The following USH2A variants were observed in gnomAD, a reference collection of about 807,000 sequenced individuals.
USH2A encodes the protein usherin, also known as Usher syndrome 2A (autosomal recessive, mild).
USH2A carries 443 observed loss-of-function variants against 538.9 expected under a neutral mutation model. The ratio of observed to expected loss-of-function variants is 0.82; its 90% CI spans 0.76 to 0.89. The LOEUF (loss-of-function observed/expected upper bound fraction) is 0.89, where lower values mean the gene tolerates loss of function less well. USH2A is among the 40% of genes least tolerant of loss of function. The pLI is 0.00. For missense variants in USH2A, 6,633 were observed against 6,324.8 expected (o/e 1.05, Z -1.65); for synonymous variants, 2,413 against 2,273.5 (o/e 1.06, Z -1.75).
chr1:216,259,228 A>G (rs1001714093), intron 11 of USH2A, among the ~76,000 whole-genome samples: 3 of 152,152 alleles, frequency 2.0e-5, no homozygotes, highest in African/African-American at 7.2e-5. Flanking sequence ...TAGAAGCTTA[A>G]GAAATAGCAT....
Position 215,674,975 on chromosome 1 carries a change from A to T in USH2A, c.12936T>A (p.Asp4312Glu), listed in dbSNP as rs748165280. ...CATCAGTGTAATTGAAAGTCACAGG[A>T]TCAAAGCTAAAAGGATAGAGCATTT... ...RNEMLYPFSF[D>E]PVTFNYTDEE... Residue 4312 changes from aspartate (D) to glutamate (E), a missense_variant, in exon 63 of 72, where the codon GAT becomes GAA. Asp to Glu is a conservative substitution (Grantham distance 45). Transcript: ENST00000307340. 1 of 1,614,198 alleles carries T rather than the reference A, an allele frequency of 6.2e-7. No homozygotes were observed. The highest frequency in any genetic ancestry group is 1.1e-5 in the South Asian group (1 of 91,084).
At chr1:216,160,792 A>G (rs1185691365) in intron 21 of USH2A, among the ~76,000 whole-genome samples, 1 of 152,148 alleles carries the variant, frequency 6.6e-6, no homozygotes, top group Non-Finnish European at 1.5e-5. Context: ...AATCTTTGAT[A>G]GTTATACTAA....
rs188473093 is a variant in USH2A, at chr1:216,240,641, C to T, written c.2809+5944G>A. Reference sequence around the variant, plus strand: ...TTCATATAATAGTAAAATTTCAAATCGTTCTTTATGTTTAGACACTTGTAG... The same window carrying T: ...TTCATATAATAGTAAAATTTCAAATTGTTCTTTATGTTTAGACACTTGTAG... On this transcript the variant is annotated intron_variant, in intron 13 of 71. Coordinates refer to ENST00000307340, the MANE Select transcript of USH2A (RefSeq NM_206933.4). Among the ~76,000 whole-genome samples the T allele has an allele frequency of 1.1e-4, 17 of 151,932 alleles. No individual in the cohort carries two copies. The East Asian group carries it at 1.4e-3, about 12-fold the overall frequency.
intron 3 of USH2A, among the ~76,000 whole-genome samples, chr1:216,403,895 T>C (rs1274739965): frequency 2.6e-5 from 4 of 152,134 alleles, no homozygotes; most frequent in African/African-American, 7.2e-5. Flanking sequence ...CGAGATCTGA[T>C]GGCTTAATAA....
intron 21 of USH2A, among the ~76,000 whole-genome samples, chr1:216,171,418 T>C (rs2034274022): frequency 6.6e-6 from 1 of 152,024 alleles, no homozygotes; most frequent in South Asian, 2.1e-4. Flanking sequence ...AAATTAAGTA[T>C]CACATTTTAA....
At chr1:216,155,755 G>C (rs2033924591) in intron 21 of USH2A, among the ~76,000 whole-genome samples, 1 of 152,134 alleles carries the variant, frequency 6.6e-6, no homozygotes, top group Non-Finnish European at 1.5e-5. Flanking sequence ...CAGGCAAGCA[G>C]AACCTTTTGC....
intron 59 of USH2A, among the ~76,000 whole-genome samples, chr1:215,742,137 T>A (rs79002249): frequency 6.6e-6 from 1 of 152,202 alleles, no homozygotes; most frequent in African/African-American, 2.4e-5. Flanking sequence ...CAAACAAAAA[T>A]GCCATGGTCT....
rs373326786 is a variant in USH2A, at chr1:216,383,373, T to TA, written c.652-18289dup. Among the ~76,000 whole-genome samples the TA allele has an allele frequency of 5.6e-3, 848 of 152,282 alleles. 6 individuals are homozygous for TA. Among genetic ancestry groups the TA allele is most frequent in the Non-Finnish European group, 5.6e-3 (381 of 68,010 alleles). ...GAAAGCTCAATTCAAATTAAGAAAT[T>TA]AGAGATGTATGTTATGAAAGGATAC... On this transcript the variant is annotated intron_variant, in intron 3 of 71. Transcript: ENST00000307340.
Position 215,872,647 on chromosome 1 carries a change from G to A in USH2A, c.8681+5111C>T, listed in dbSNP as rs183574999. Among the ~76,000 whole-genome samples, 15 of 152,182 alleles carry A rather than the reference G, an allele frequency of 9.9e-5. No individual in the cohort carries two copies. The East Asian group carries it at 2.9e-3, about 29-fold the overall frequency. Reference sequence around the variant, plus strand: ...CTGGATTTAGAAGTTCATTTTTCATGAGTGATATAGTTTGGATATTTGTCC... The same window carrying A: ...CTGGATTTAGAAGTTCATTTTTCATAAGTGATATAGTTTGGATATTTGTCC... On this transcript the variant is annotated intron_variant, in intron 43 of 71. Transcript: ENST00000307340.
At chr1:216,394,406 G>T (rs566513074) in intron 3 of USH2A, among the ~76,000 whole-genome samples, 1 of 152,166 alleles carries the variant, frequency 6.6e-6, no homozygotes, top group African/African-American at 2.4e-5. Context: ...GTAGCACAAA[G>T]GAATATTCTG....
chr1:215,800,264 C>T (rs1004041153), intron 49 of USH2A, among the ~76,000 whole-genome samples: 4 of 152,090 alleles, frequency 2.6e-5, no homozygotes, highest in Non-Finnish European at 5.9e-5. Context: ...CCTTCGGAAC[C>T]CTGACTTCCT....
chr1:215,635,260 T>G (rs1656438819), intron 69 of USH2A, among the ~76,000 whole-genome samples: 1 of 152,218 alleles, frequency 6.6e-6, no homozygotes, highest in Non-Finnish European at 1.5e-5. Context: ...CTGTGTTTGC[T>G]ACCATGTTGT....
rs532197628 is a variant in USH2A at position 215,816,866 on chromosome 1, T to C, written c.9570+131A>G. ...GTGATTTTTGTAAGCATCCTTTCTT[T>C]TCCGTGGAGTCTTCTTCATAGAGTA... On this transcript the variant is annotated intron_variant, in intron 48 of 71. Transcript: ENST00000307340. 1.2e-5 allele frequency: 12 copies of C among 1,010,362 alleles called. No individual in the cohort carries two copies. In the East Asian group the frequency reaches 1.5e-4, roughly 13 times the overall value. 62.6% of individuals were successfully genotyped at this position (1,010,362 alleles called of 1,614,324 possible). A position where few individuals can be genotyped will look rare whatever the true frequency, so the allele number is the denominator to read the frequency against.
At chr1:215,681,546 A>G (rs897323047) in intron 61 of USH2A, among the ~76,000 whole-genome samples, 8 of 152,220 alleles carry the variant, frequency 5.3e-5, no homozygotes, top group Non-Finnish European at 1.2e-4. Context: ...TGGAGTAGTG[A>G]AAGTTATTTC....
intron 32 of USH2A, among the ~76,000 whole-genome samples, chr1:216,045,925 T>C (rs1364107614): frequency 6.6e-6 from 1 of 151,936 alleles, no homozygotes; most frequent in Non-Finnish European, 1.5e-5. Flanking sequence ...GATCATACAA[T>C]TGGAGTGATT....
intron 4 of USH2A, among the ~76,000 whole-genome samples, chr1:216,331,690 T>A (rs980261879): frequency 8.5e-5 from 13 of 152,272 alleles, no homozygotes; most frequent in Admixed American, 7.2e-4. Context: ...AATAATTTAA[T>A]TTCTATATAC....
chr1:215,658,320 T>C (rs1036587917), intron 64 of USH2A, among the ~76,000 whole-genome samples: 1 of 152,054 alleles, frequency 6.6e-6, no homozygotes, highest in African/African-American at 2.4e-5. Context: ...CCGACTCTCA[T>C]GGAGGATATG....
intron 61 of USH2A, among the ~76,000 whole-genome samples, chr1:215,723,987 T>A (rs1210449937): frequency 6.6e-6 from 1 of 152,184 alleles, no homozygotes; most frequent in Non-Finnish European, 1.5e-5. Flanking sequence ...TGCATTCGTA[T>A]GTGTATTACG....
intron 40 of USH2A, among the ~76,000 whole-genome samples, chr1:215,889,721 T>C (rs772787749): frequency 6.6e-6 from 1 of 152,150 alleles, no homozygotes; most frequent in Admixed American, 6.6e-5. Flanking sequence ...GCACTCTAAC[T>C]GATTCAATTA....
Sources: allele counts gnomAD v4.1 joint callset (sites outside exome capture counted in the v4.1 genomes callset), GRCh38; gene constraint gnomAD v4.1.1; transcripts MANE v1.5; gene names NCBI Gene and HGNC (gene_info 2026-07-23, HGNC 2026-07-21).